GOLM1: variants seen among roughly 807,000 people sequenced by gnomAD.
GOLM1 encodes the protein golgi membrane protein 1.
Under a neutral mutation model 50.5 loss-of-function variants are expected in GOLM1, and 31 were observed. The ratio of observed to expected loss-of-function variants is 0.61; its 90% confidence interval spans 0.46 to 0.83. The LOEUF is 0.83. GOLM1 is among the 40% of genes least tolerant of loss of function. The pLI, the probability that GOLM1 is intolerant of heterozygous loss-of-function variation, is 0.00. For synonymous variants in GOLM1, 178 were observed against 192.8 expected (o/e 0.92, Z 0.64); for missense variants, 491 against 501.3 (o/e 0.98, Z 0.20).
intron 3 of GOLM1, among the ~76,000 whole-genome samples, chr9:86,073,334 T>G (rs1453559140): frequency 6.6e-6 from 1 of 152,206 alleles, no homozygotes; most frequent in African/African-American, 2.4e-5. Flanking sequence ...CTAGTGTATA[T>G]TTTTAATCTG....
chr9:86,099,789 C>A (rs567987713), upstream of GOLM1, among the ~76,000 whole-genome samples: 557 of 152,200 alleles, frequency 3.7e-3, 2 homozygotes, highest in Non-Finnish European at 5.2e-3. Flanking sequence ...CACCCCATCG[C>A]CCCTTCCGAC....
In GOLM1 at chr9:86,026,742, T is replaced by C. The variant is rs570393728; in HGVS notation, c.*1075A>G. 24 of 983,070 alleles carry C rather than the reference T, an allele frequency of 2.4e-5. No individual in the cohort carries two copies. The South Asian group carries it at 9.4e-4, about 39-fold the overall frequency. 60.9% of individuals were successfully genotyped at this position (983,070 alleles called of 1,614,324 possible). On this transcript the variant is annotated 3_prime_UTR_variant, in exon 10 of 10. Coordinates refer to ENST00000388712, the MANE Select transcript of GOLM1 (RefSeq NM_016548.4). ...CCTTAATGCCATTGTTATTGTGAAT[T>C]AGGATTAAGTAGTAATTTTCAAAAT...
intron 3 of GOLM1, among the ~76,000 whole-genome samples, chr9:86,069,469 A>G (rs1773938436): frequency 1.3e-5 from 2 of 152,214 alleles, no homozygotes; most frequent in South Asian, 4.1e-4. Context: ...GGAAACGGAA[A>G]TGGCAGCTCA....
chr9:86,090,786 CAAAAAAAAAAAAAAAA>C (rs776381865), intron 1 of GOLM1, among the ~76,000 whole-genome samples: 1 of 41,276 alleles, frequency 2.4e-5, no homozygotes, highest in Non-Finnish European at 5.0e-5. Flanking sequence ...ACTGGGGTAC[CAAAAAAAAAAAAAAAA>C]AAAAAAAAAA....
chr9:86,030,742 C>A (rs190594754), intron 9 of GOLM1, among the ~76,000 whole-genome samples: 2 of 152,224 alleles, frequency 1.3e-5, no homozygotes, highest in African/African-American at 2.4e-5. Context: ...ACATTAATTT[C>A]CTTATTTTGG....
chr9:86,089,790 T>C (rs535275355), intron 1 of GOLM1, among the ~76,000 whole-genome samples: 31 of 152,274 alleles, frequency 2.0e-4, no homozygotes, highest in African/African-American at 6.7e-4. Flanking sequence ...TCCAGTTTTG[T>C]TCCCTTGCTG....
Position 86,026,396 on chromosome 9 carries a change from G to T in GOLM1, c.*1421C>A, listed in dbSNP as rs1212604924. ...CATATGAAGAATGTTTAAGTTGGAG[G>T]TGGCAACGTGAATTGCAAACAGGGC... On this transcript the variant is annotated 3_prime_UTR_variant, in exon 10 of 10. Transcript: ENST00000388712. 5.1e-6 allele frequency: 5 copies of T among 985,294 alleles called. No individual in the cohort carries two copies. Among genetic ancestry groups the T allele is most frequent in the Non-Finnish European group, 6.0e-6 (5 of 829,900 alleles). The allele number at this position is 985,294 out of a possible 1,614,324, so 61.0% of individuals were successfully genotyped here.
chr9:86,046,308 G>A (rs947480486), intron 5 of GOLM1, among the ~76,000 whole-genome samples, 162 bp downstream of exon 5: 4 of 152,210 alleles, frequency 2.6e-5, no homozygotes, highest in African/African-American at 9.7e-5. Context: ...GCCTCCTTGT[G>A]CATTTGTGTA....
chr9:86,067,745 G>A (rs1306200011), intron 3 of GOLM1, among the ~76,000 whole-genome samples: 1 of 152,226 alleles, frequency 6.6e-6, no homozygotes, highest in African/African-American at 2.4e-5. Context: ...GCTCATGCCT[G>A]TAATCCCAGC....
rs140277280 is a variant in GOLM1, at chr9:86,097,791, C to T, written c.-22+1620G>A. Among the ~76,000 whole-genome samples, 60 of 152,302 alleles carry T rather than the reference C, an allele frequency of 3.9e-4. 3 individuals are homozygous for T. The East Asian group carries it at 0.012, about 29-fold the overall frequency. ...GGATAAGGGTAGCAGTTCCCTCCTT[C>T]CTGGGGAAGGTGGCCATATATATAT... On this transcript the variant is annotated intron_variant, in intron 1 of 9. Transcript: ENST00000388712.
At chr9:86,071,130 C>T (rs1301381487) in intron 3 of GOLM1, among the ~76,000 whole-genome samples, 4 of 150,862 alleles carry the variant, frequency 2.7e-5, no homozygotes, top group Non-Finnish European at 5.9e-5. Flanking sequence ...CAGGGTCTCG[C>T]TCTGTCACCT....
At chr9:86,078,011 CT>C (rs1834670208) in intron 2 of GOLM1, 2 of 168,014 alleles carry the variant, frequency 1.2e-5, no homozygotes, top group Non-Finnish European at 2.6e-5. Context: ...CAGACCTCAT[CT>C]GCCCAGAGAA....
At chr9:86,094,177 TA>T (rs1329701158) in intron 1 of GOLM1, among the ~76,000 whole-genome samples, 2 of 140,828 alleles carry the variant, frequency 1.4e-5, no homozygotes, top group Non-Finnish European at 1.6e-5. Flanking sequence ...TTTTTTTTTT[TA>T]AAGTTTTACT....
chr9:86,032,091 AACTC>A (rs1587692699), intron 9 of GOLM1, among the ~76,000 whole-genome samples: 1 of 152,084 alleles, frequency 6.6e-6, no homozygotes, highest in Admixed American at 6.6e-5. Flanking sequence ...AGACCAGGCG[AACTC>A]ACTCAACTCC....
intron 3 of GOLM1, among the ~76,000 whole-genome samples, chr9:86,056,025 C>T (rs1833974226): frequency 6.6e-6 from 1 of 152,084 alleles, no homozygotes; most frequent in Non-Finnish European, 1.5e-5. Context: ...GTGTTTACCC[C>T]CAGAGTTGAT....
intron 1 of GOLM1, among the ~76,000 whole-genome samples, chr9:86,082,887 A>G (rs1284082763): frequency 2.0e-5 from 3 of 152,234 alleles, no homozygotes; most frequent in African/African-American, 7.2e-5. Flanking sequence ...ATTTTAATCC[A>G]AACAAGATCA....
chr9:86,028,776 G>C (rs1832870687), intron 9 of GOLM1, among the ~76,000 whole-genome samples: 1 of 151,766 alleles, frequency 6.6e-6, no homozygotes, highest in Admixed American at 6.6e-5. Context: ...CTAGGGGTTT[G>C]AGCTGTGGGG....
At chr9:86,080,590 G>A (rs977992196) in intron 1 of GOLM1, among the ~76,000 whole-genome samples, 8 of 152,080 alleles carry the variant, frequency 5.3e-5, no homozygotes, top group East Asian at 3.9e-4. Context: ...CTCACCCTAT[G>A]GTCTTTTCAG....
chr9:86,055,661 A>G (rs760558567), intron 3 of GOLM1, among the ~76,000 whole-genome samples: 1 of 152,260 alleles, frequency 6.6e-6, no homozygotes, highest in Non-Finnish European at 1.5e-5. Flanking sequence ...TGCAGACAAC[A>G]TTACACTAAG....
Sources: gnomAD v4.1 joint callset for allele counts (sites outside exome capture counted in the v4.1 genomes callset) on GRCh38, gnomAD v4.1.1 for gene constraint, MANE v1.5 for transcripts, NCBI Gene and HGNC (gene_info 2026-07-23, HGNC 2026-07-21) for gene names.